The following NEO1 variants were observed in gnomAD, a reference collection of about 807,000 sequenced individuals.
NEO1 encodes neogenin.
A neutral mutation model predicts 159.7 loss-of-function variants in NEO1; 63 were observed. The observed-to-expected ratio is 0.39, with a 90% CI of 0.32 to 0.49. NEO1 has a LOEUF of 0.49. Among genes scored for constraint, NEO1 ranks in the 20% least tolerant of loss-of-function variants. NEO1 has a pLI of 0.85. For missense variants in NEO1, 1,615 were observed against 1,831.0 expected, an observed-to-expected ratio of 0.88 and a Z score of 2.15; for synonymous variants, 633 against 662.0, an observed-to-expected ratio of 0.96 and a Z score of 0.67.
chr15:73,073,982 C>A (rs1049758446), intron 1 of NEO1, among the ~76,000 whole-genome samples: 1 of 152,142 alleles, frequency 6.6e-6, no homozygotes, highest in Admixed American at 6.5e-5. Flanking sequence ...CTACTCTTGT[C>A]TGACTTGAAT....
At chr15:73,233,985 C>G (rs1197090850) in intron 7 of NEO1, among the ~76,000 whole-genome samples, 1 of 152,142 alleles carries the variant, frequency 6.6e-6, no homozygotes, top group African/African-American at 2.4e-5. Flanking sequence ...TTAGAAGAGT[C>G]AAGTTTTGAA....
chr15:73,278,042 G>GT (rs1478674836), intron 21 of NEO1, 89 bp from the exon 22 acceptor site: 3 of 1,147,276 alleles, frequency 2.6e-6, no homozygotes, highest in Admixed American at 4.1e-5. Context: ...TAAAAATTGT[G>GT]TTTTTTGTTT....
chr15:73,223,416 C>A (rs1369536119), intron 7 of NEO1, among the ~76,000 whole-genome samples: 1 of 152,130 alleles, frequency 6.6e-6, no homozygotes, highest in Non-Finnish European at 1.5e-5. Flanking sequence ...TGCTGTCTAT[C>A]ACATTTCTTA....
intron 1 of NEO1, among the ~76,000 whole-genome samples, chr15:73,070,760 A>G (rs1375100174): frequency 6.6e-6 from 1 of 152,208 alleles, no homozygotes; most frequent in East Asian, 1.9e-4. Flanking sequence ...TTGTCATAAA[A>G]GTTAAGTGAA....
chr15:73,203,001 A>G (rs1318770430), intron 7 of NEO1, among the ~76,000 whole-genome samples: 4 of 152,194 alleles, frequency 2.6e-5, no homozygotes, highest in Non-Finnish European at 5.9e-5. Flanking sequence ...TCTATATACC[A>G]CATTTTGATT....
intron 7 of NEO1, 127 bp downstream of exon 7, chr15:73,178,554 A>AAGAATAGC: frequency 1.0e-6 from 1 of 983,632 alleles, no homozygotes; most frequent in Non-Finnish European, 1.4e-6. Context: ...CTAAGAGAAA[A>AAGAATAGC]AGAATAGCAG....
chr15:73,233,012 T>G (rs543192854), intron 7 of NEO1, among the ~76,000 whole-genome samples: 1 of 152,308 alleles, frequency 6.6e-6, no homozygotes, highest in East Asian at 1.9e-4. Flanking sequence ...TTTGACAGTT[T>G]TTTTCCGCTT....
chr15:73,218,838 A>G (rs1003081439), intron 7 of NEO1, among the ~76,000 whole-genome samples: 89 of 152,164 alleles, frequency 5.8e-4, no homozygotes, highest in East Asian at 2.5e-3. Context: ...TCTTGCTAGC[A>G]GTCTATCAAT....
At chr15:73,214,420 C>T (rs1356828565) in intron 7 of NEO1, among the ~76,000 whole-genome samples, 1 of 152,152 alleles carries the variant, frequency 6.6e-6, no homozygotes, top group African/African-American at 2.4e-5. Flanking sequence ...AGATTTAAGT[C>T]CTTAATCCAT....
intron 5 of NEO1, among the ~76,000 whole-genome samples, chr15:73,168,182 A>G (rs1313715283): frequency 6.6e-6 from 1 of 151,722 alleles, no homozygotes; most frequent in African/African-American, 2.4e-5. Context: ...TCTTTAAGGA[A>G]GTTTTTTGTT....
intron 7 of NEO1, among the ~76,000 whole-genome samples, chr15:73,224,653 C>T (rs1181201115): frequency 6.6e-6 from 1 of 152,090 alleles, no homozygotes; most frequent in Non-Finnish European, 1.5e-5. Flanking sequence ...CCAATGTTTC[C>T]AGAATTTTTT....
chr15:73,261,651 T>C (rs1472182355), intron 15 of NEO1, among the ~76,000 whole-genome samples: 1 of 152,130 alleles, frequency 6.6e-6, no homozygotes, highest in East Asian at 1.9e-4. Context: ...AATAGAAAAT[T>C]GTTACTGAGA....
intron 5 of NEO1, among the ~76,000 whole-genome samples, chr15:73,142,101 T>C (rs2032446124): frequency 6.6e-6 from 1 of 152,162 alleles, no homozygotes; most frequent in East Asian, 1.9e-4. Flanking sequence ...CTTTTTTTTT[T>C]AGAAGAGCCA....
intron 15 of NEO1, among the ~76,000 whole-genome samples, chr15:73,264,885 A>G (rs554255747): frequency 5.9e-5 from 9 of 152,364 alleles, no homozygotes; most frequent in Middle Eastern, 6.8e-3. Flanking sequence ...AGAGAATGAG[A>G]CAGACGTTCT....
Position 73,258,842 on chromosome 15 carries a change from G to A in NEO1, c.2169G>A (p.Trp723Ter). 1 of 1,613,876 alleles carries A rather than the reference G, an allele frequency of 6.2e-7. No individual in the cohort carries two copies. The highest frequency in any genetic ancestry group is 8.5e-7 in the Non-Finnish European group (1 of 1,179,842). The change falls in exon 14 of 29, where the codon TGG (tryptophan) becomes TGA (stop). Residue 723 changes from tryptophan (W) to a stop codon, truncating the protein, a stop_gained. Transcript: ENST00000261908. LOFTEE classifies it high-confidence loss of function. The stretch of plus-strand genomic sequence containing the variant: ...ATGGTACAGGCCCGGCAACTGACTG[G>A]CTGTCTGCTGAAACTTTTGAAAGTG... ...TINGTGPATDWLSAETFESDL... is the reference protein window; with the variant it reads ...TINGTGPATD
chr15:73,224,949 A>T (rs2038493194), intron 7 of NEO1, among the ~76,000 whole-genome samples: 1 of 152,162 alleles, frequency 6.6e-6, no homozygotes, highest in South Asian at 2.1e-4. Flanking sequence ...CAGAGGGAAC[A>T]TCTAGAGCTG....
rs1348172986 is a variant in NEO1, at chr15:73,176,493, C to G, written c.1106C>G (p.Thr369Ser). The G allele has an allele frequency of 6.2e-7, 1 of 1,611,742 alleles. No homozygotes were observed. Among genetic ancestry groups the G allele is most frequent in the South Asian group, 1.1e-5 (1 of 90,622 alleles). The change falls in exon 6 of 29, where the codon ACT becomes AGT. Residue 369 changes from threonine to serine, a missense_variant. Coordinates refer to ENST00000261908, the MANE Select transcript of NEO1 (RefSeq NM_002499.4). ...VFECEVTGKPTPTVKWVKNGD... is the reference protein window; with the variant it reads ...VFECEVTGKPSPTVKWVKNGD... Reference sequence around the variant, plus strand: ...GAATGTGAAGTGACTGGAAAACCAACTCCAACTGTGAAGTGGGTCAAAAAT... The same window carrying G: ...GAATGTGAAGTGACTGGAAAACCAAGTCCAACTGTGAAGTGGGTCAAAAAT...
intron 7 of NEO1, among the ~76,000 whole-genome samples, chr15:73,178,950 T>C (rs2035442174): frequency 6.6e-6 from 1 of 152,196 alleles, no homozygotes; most frequent in Non-Finnish European, 1.5e-5. Flanking sequence ...GGCAGTAGTT[T>C]ATCAAATCCA....
chr15:73,254,917 G>A (rs1449761697), intron 13 of NEO1, 88 bp downstream of exon 13: 93 of 1,378,814 alleles, frequency 6.7e-5, no homozygotes, highest in Middle Eastern at 2.0e-4. Flanking sequence ...CTGAACTGTC[G>A]ACTTATACAA....
Sources: gnomAD v4.1 joint callset for allele counts (sites outside exome capture counted in the v4.1 genomes callset) on GRCh38, gnomAD v4.1.1 for gene constraint, MANE v1.5 for transcripts, NCBI Gene and HGNC (gene_info 2026-07-23, HGNC 2026-07-21) for gene names.